SUPT5H: variants seen among roughly 807,000 people sequenced by gnomAD.
The protein encoded by SUPT5H is transcription elongation factor SPT5.
In SUPT5H, 24 loss-of-function variants were observed where a neutral mutation model predicts 142.5. The ratio of observed to expected loss-of-function variants is 0.17; its 90% CI spans 0.12 to 0.24. The LOEUF is 0.24. SUPT5H is among the 10% of genes least tolerant of loss of function. The pLI, the probability that SUPT5H is intolerant of heterozygous loss-of-function variation, is 1.00. For missense variants in SUPT5H, 893 were observed against 1,471.8 expected, an observed-to-expected ratio of 0.61 and a Z score of 6.43; for synonymous variants, 546 against 553.0, an observed-to-expected ratio of 0.99 and a Z score of 0.18.
chr19:39,461,834 A>AT (rs975147562), intron 10 of SUPT5H, among the ~76,000 whole-genome samples: 44 of 142,932 alleles, frequency 3.1e-4, no homozygotes, highest in African/African-American at 8.2e-4. Context: ...AAAAAAAAAA[A>AT]AAAAAATAAT....
chr19:39,459,604 C>A lies in SUPT5H; in HGVS notation c.555+15C>A. On this transcript the variant is annotated intron_variant, in intron 9 of 29. Transcript: ENST00000432763. ...TCAAATGTAAGGTATGTGCTCTGAT[C>A]TCGGGGCTTGGAGGAGGTGGGAGAA... 6.2e-7 allele frequency: 1 copy of A among 1,613,822 alleles called. No homozygotes were observed. The highest frequency in any genetic ancestry group is 1.3e-5 in the African/African-American group (1 of 74,970).
At chr19:39,467,032 T>G in intron 13 of SUPT5H, 2 of 304,642 alleles carry the variant, frequency 6.6e-6, no homozygotes, top group Non-Finnish European at 6.0e-6. Flanking sequence ...CATAATGAGA[T>G]CCCATCTTTT....
In SUPT5H at chr19:39,469,764, G is replaced by A; in HGVS notation, c.1375-355G>A. The A allele has an allele frequency of 2.1e-6, 1 of 481,572 alleles. No individual in the cohort carries two copies. Among genetic ancestry groups the A allele is most frequent in the South Asian group, 2.2e-5 (1 of 45,124 alleles). The allele number at this position is 481,572 out of a possible 1,614,324, so 29.8% of individuals were successfully genotyped here. On this transcript the variant is annotated intron_variant, in intron 16 of 29. Coordinates refer to ENST00000432763, the MANE Select transcript of SUPT5H (RefSeq NM_001111020.3). The surrounding 1 kb of genome is among the most constrained non-coding windows in gnomAD (Gnocchi z 5.1). ...GTGTCTGGTGTATGTCTGAGGGGTT[G>A]TGCAGGCCCAGTGTGATGTGTGGGG...
intron 3 of SUPT5H, among the ~76,000 whole-genome samples, chr19:39,454,360 T>C (rs2079059670): frequency 6.6e-6 from 1 of 150,732 alleles, no homozygotes; most frequent in East Asian, 1.9e-4. Flanking sequence ...GTCGTTGTTT[T>C]TTTTTTTTTT....
intron 3 of SUPT5H, among the ~76,000 whole-genome samples, chr19:39,456,616 C>A (rs758933595): frequency 5.3e-5 from 8 of 152,026 alleles, no homozygotes; most frequent in Non-Finnish European, 8.8e-5. Context: ...ACGGGGGTTT[C>A]ACCATGTTGG....
chr19:39,445,951 G>A lies in SUPT5H; in HGVS notation c.61G>A (p.Gly21Ser), dbSNP rs578023322. 1.2e-6 allele frequency: 2 copies of A among 1,613,172 alleles called. No homozygotes were observed. Among genetic ancestry groups the A allele is most frequent in the Non-Finnish European group, 1.7e-6 (2 of 1,179,958 alleles). Residue 21 changes from glycine (G) to serine (S), a missense_variant, in exon 2 of 30, where the codon GGC (glycine) becomes AGC (serine). Physicochemically the swap from Gly to Ser is moderately conservative, Grantham distance 56. Transcript: ENST00000432763. ...EEEDSERSSD[G>S]EEAEVDEERR... ...GGAGGACAGCGAGCGCAGCAGTGAC[G>A]GCGAGGAGGCCGAGGTCTGTGGCTG... is the stretch of plus-strand genomic sequence containing the variant.
Position 39,472,284 on chromosome 19 carries a change from A to G in SUPT5H, c.1951-125A>G, listed in dbSNP as rs1392440847. On this transcript the variant is annotated intron_variant, in intron 20 of 29. Transcript: ENST00000432763. The surrounding 1 kb of genome is among the most constrained non-coding windows in gnomAD (Gnocchi z 4.2). ...GTGCAGGACCAGCTGTCACAGAGGA[A>G]TTCAGGCCTGGGGTGTGGGTGGCTG... 8.3e-6 allele frequency: 7 copies of G among 843,878 alleles called. No homozygotes were observed. Among genetic ancestry groups the G allele is most frequent in the Admixed American group, 7.9e-5 (4 of 50,662 alleles). 52.3% of individuals were successfully genotyped at this position (843,878 alleles called of 1,614,324 possible).
At chr19:39,454,073 G>A (rs2079054862) in intron 3 of SUPT5H, among the ~76,000 whole-genome samples, 2 of 152,196 alleles carry the variant, frequency 1.3e-5, no homozygotes, top group South Asian at 4.1e-4. Flanking sequence ...TAGGTAGTCT[G>A]AGAATCTAAT....
chr19:39,471,215 C>T (rs1157095382), intron 18 of SUPT5H, 142 bp from the exon 19 acceptor site: 3 of 1,000,584 alleles, frequency 3.0e-6, no homozygotes, highest in Non-Finnish European at 4.4e-6. Flanking sequence ...TGCCTGCCTG[C>T]CCCGCAGCCA....
Position 39,466,590 on chromosome 19 carries a change from C to T in SUPT5H, c.966+21C>T. 4 of 1,608,688 alleles carry T rather than the reference C, an allele frequency of 2.5e-6. No individual in the cohort carries two copies. The highest frequency in any genetic ancestry group is 3.4e-6 in the Non-Finnish European group (4 of 1,177,096). ...GCTTGGTACTCAGGGGAATCTGTGG[C>T]CTGGGGGGGAGGGAGTGTGCTCGAT... On this transcript the variant is annotated intron_variant, in intron 12 of 29. Coordinates refer to ENST00000432763, the MANE Select transcript of SUPT5H (RefSeq NM_001111020.3). This position sits in a 1 kb window ranked among gnomAD's most constrained non-coding sequence, Gnocchi z 4.3.
chr19:39,472,359 G>C lies in SUPT5H; in HGVS notation c.1951-50G>C. 3 of 1,579,204 alleles carry C rather than the reference G, an allele frequency of 1.9e-6. No homozygotes were observed. Among genetic ancestry groups the C allele is most frequent in the Non-Finnish European group, 2.6e-6 (3 of 1,149,626 alleles). On this transcript the variant is annotated intron_variant, in intron 20 of 29. Transcript: ENST00000432763. This position sits in a 1 kb window ranked among gnomAD's most constrained non-coding sequence, Gnocchi z 4.2. ...GTGGGATGATGAGTTCCTGTGGTTT[G>C]TGGTTCCCCCATCCCCTGCCTGCCA... is the stretch of plus-strand genomic sequence containing the variant.
intron 9 of SUPT5H, 27 bp from the exon 10 acceptor site, chr19:39,459,865 C>G (rs186294710): frequency 2.5e-6 from 4 of 1,613,438 alleles, no homozygotes; most frequent in South Asian, 1.1e-5. Context: ...CCTGTCATCT[C>G]TCTCAAATCT....
intron 2 of SUPT5H, among the ~76,000 whole-genome samples, chr19:39,450,344 C>T (rs1339684559): frequency 2.0e-5 from 3 of 151,936 alleles, no homozygotes; most frequent in South Asian, 2.1e-4. Context: ...GGCACAATCG[C>T]GGCTCACTGC....
chr19:39,476,009 G>A lies in SUPT5H; in HGVS notation c.3025-72G>A, dbSNP rs1040137043. 1.2e-5 allele frequency: 17 copies of A among 1,396,230 alleles called. No individual in the cohort carries two copies. The African/African-American group carries it at 2.1e-4, about 18-fold the overall frequency. 86.5% of individuals were successfully genotyped at this position (1,396,230 alleles called of 1,614,324 possible). A position where few individuals can be genotyped will look rare whatever the true frequency, so the allele number is the denominator to read the frequency against. On this transcript the variant is annotated intron_variant, in intron 28 of 29. Coordinates refer to ENST00000432763, the MANE Select transcript of SUPT5H (RefSeq NM_001111020.3). ...TTCTCAGAATGAGCCCTGAGCCTGTGTCCCCTGGAGTATGGGCCTCAGTCC... is the reference window on the plus strand; with the variant it reads ...TTCTCAGAATGAGCCCTGAGCCTGTATCCCCTGGAGTATGGGCCTCAGTCC...
At position 39,472,576 on chromosome 19, in the gene SUPT5H, G is replaced by A; in HGVS notation, c.2035+83G>A. ...GTTGTTCAGCCTACACTCACTGAGTGCCTGTGCTGGGCTGGGCACTGCTAT... is the reference window on the plus strand; with the variant it reads ...GTTGTTCAGCCTACACTCACTGAGTACCTGTGCTGGGCTGGGCACTGCTAT... On this transcript the variant is annotated intron_variant, in intron 21 of 29. Coordinates refer to ENST00000432763, the MANE Select transcript of SUPT5H (RefSeq NM_001111020.3). This position sits in a 1 kb window ranked among gnomAD's most constrained non-coding sequence, Gnocchi z 4.2. The A allele has an allele frequency of 6.6e-7, 1 of 1,511,920 alleles. No homozygotes were observed. Among genetic ancestry groups the A allele is most frequent in the Non-Finnish European group, 9.1e-7 (1 of 1,097,484 alleles). The allele number at this position is 1,511,920 out of a possible 1,614,324, so 93.7% of individuals were successfully genotyped here.
chr19:39,472,459 C>G lies in SUPT5H; in HGVS notation c.2001C>G (p.Pro667=). 1 of 1,614,096 alleles carries G rather than the reference C, an allele frequency of 6.2e-7. No individual in the cohort carries two copies. The highest frequency in any genetic ancestry group is 8.5e-7 in the Non-Finnish European group (1 of 1,179,994). The change falls in exon 21 of 30, where the codon CCC becomes CCG. Residue 667 remains proline, a synonymous_variant. Transcript: ENST00000432763. The surrounding 1 kb of genome is among the most constrained non-coding windows in gnomAD (Gnocchi z 4.2). ...FTVGGFAPMS[P]RISSPMHPSA... Reference sequence around the variant, plus strand: ...TGGGTGGCTTTGCGCCTATGAGTCCCCGGATCAGCAGCCCCATGCACCCCA... The same window carrying G: ...TGGGTGGCTTTGCGCCTATGAGTCCGCGGATCAGCAGCCCCATGCACCCCA...
At chr19:39,459,096 T>G (rs1600706418) in intron 7 of SUPT5H, 23 bp downstream of exon 7, 2 of 1,607,566 alleles carry the variant, frequency 1.2e-6, no homozygotes, top group African/African-American at 2.7e-5. Flanking sequence ...TGGGGGCAGG[T>G]GGGGGCAGGG....
chr19:39,470,581 A>G lies in SUPT5H; in HGVS notation c.1677+58A>G. The G allele has an allele frequency of 1.4e-6, 2 of 1,455,986 alleles. No homozygotes were observed. Among genetic ancestry groups the G allele is most frequent in the African/African-American group, 1.4e-5 (1 of 69,282 alleles). The allele number at this position is 1,455,986 out of a possible 1,614,324, so 90.2% of individuals were successfully genotyped here. On this transcript the variant is annotated intron_variant, in intron 18 of 29. Coordinates refer to ENST00000432763, the MANE Select transcript of SUPT5H (RefSeq NM_001111020.3). The surrounding 1 kb of genome is among the most constrained non-coding windows in gnomAD (Gnocchi z 5.8). Reference sequence around the variant, plus strand: ...CTTTTAGGAGGCTTCCTGTCCCTCAACCCCTCATCCTGGGAGGTGGCAGAG... The same window carrying G: ...CTTTTAGGAGGCTTCCTGTCCCTCAGCCCCTCATCCTGGGAGGTGGCAGAG...
Position 39,458,853 on chromosome 19 carries a change from C to G in SUPT5H, c.355C>G (p.Arg119Gly). ...CGATAATGTTGTCCTGGATGAAGAT[C>G]GTTCTGGGGCTCGCCGCCTGCAAAA... Reference protein sequence around the residue: ...NIDNVVLDEDRSGARRLQNLW... With the variant: ...NIDNVVLDEDGSGARRLQNLW... The change falls in exon 6 of 30, where the codon CGT becomes GGT. Residue 119 changes from arginine to glycine, a missense_variant. Coordinates refer to ENST00000432763, the MANE Select transcript of SUPT5H (RefSeq NM_001111020.3). This position sits in a 1 kb window ranked among gnomAD's most constrained non-coding sequence, Gnocchi z 4.2. 1 of 1,613,492 alleles carries G rather than the reference C, an allele frequency of 6.2e-7. No homozygotes were observed. Among genetic ancestry groups the G allele is most frequent in the Admixed American group, 1.7e-5 (1 of 59,952 alleles).
Sources: allele counts gnomAD v4.1 joint callset (sites outside exome capture counted in the v4.1 genomes callset), GRCh38; gene constraint gnomAD v4.1.1; non-coding constraint Gnocchi (gnomAD v3.1); transcripts MANE v1.5; gene names NCBI Gene and HGNC (gene_info 2026-07-23, HGNC 2026-07-21).